Variants in AHDC1 observed in about 807,000 individuals in gnomAD.
The protein encoded by AHDC1 is AT-hook DNA binding motif containing 1.
AHDC1 carries 7 observed loss-of-function variants against 87.9 expected under a neutral mutation model. The ratio of observed to expected loss-of-function variants is 0.08; its 90% CI spans 0.05 to 0.15. AHDC1 has a LOEUF of 0.15. Among genes scored for constraint, AHDC1 ranks in the 10% least tolerant of loss-of-function variants. The probability of loss-of-function intolerance (pLI) is 1.00; values close to 1 mark genes in which losing one functional copy is unlikely to be tolerated. For synonymous variants in AHDC1, 1,051 were observed against 1,006.8 expected, an observed-to-expected ratio of 1.04 and a Z score of -0.83; for missense variants, 1,841 against 2,253.2, an observed-to-expected ratio of 0.82 and a Z score of 3.70.
Position 27,549,148 on chromosome 1 carries a change from G to T in AHDC1, c.2968C>A (p.Gln990Lys). The T allele has an allele frequency of 6.4e-7, 1 of 1,562,890 alleles. No individual in the cohort carries two copies. The highest frequency in any genetic ancestry group is 1.3e-5 in the African/African-American group (1 of 74,122). ...CAGTCCTTGCTGTTAGCGCAGTCCT[G>T]GCCTGTAAAGGGCTTAGTTGGGGCG... ...VFAPTKPFTGQDCANSKDCSF... is the reference protein window; with the variant it reads ...VFAPTKPFTGKDCANSKDCSF... Residue 990 changes from glutamine (Q) to lysine (K), a missense_variant, in exon 8 of 9, where the codon CAG becomes AAG. Transcript: ENST00000673934.
intron 3 of AHDC1, among the ~76,000 whole-genome samples, chr1:27,583,774 G>C (rs1015099776): frequency 2.6e-5 from 4 of 152,164 alleles, no homozygotes; most frequent in Non-Finnish European, 5.9e-5. Context: ...ATTCCTATCT[G>C]TGAAATAAGG....
At chr1:27,574,203 G>GCC in intron 3 of AHDC1, among the ~76,000 whole-genome samples, 1 of 152,196 alleles carries the variant, frequency 6.6e-6, no homozygotes, top group East Asian at 1.9e-4. Flanking sequence ...CTCTCTGCCA[G>GCC]CCCCCGCCCC....
At chr1:27,596,698 C>T (rs2089382237) in intron 3 of AHDC1, among the ~76,000 whole-genome samples, 1 of 152,130 alleles carries the variant, frequency 6.6e-6, no homozygotes, top group Admixed American at 6.5e-5. Flanking sequence ...CACGCTCACA[C>T]ATGCAGTTTG....
chr1:27,549,703 C>G lies in AHDC1; in HGVS notation c.2413G>C (p.Gly805Arg). The G allele has an allele frequency of 6.2e-7, 1 of 1,612,890 alleles. No homozygotes were observed. Among genetic ancestry groups the G allele is most frequent in the Non-Finnish European group, 8.5e-7 (1 of 1,179,978 alleles). Residue 805 changes from glycine to arginine, a missense_variant, in exon 8 of 9, where the codon GGG becomes CGG. Transcript: ENST00000673934. Reference protein sequence around the residue: ...GTEARAFASTGLESGASGRGS... With the variant: ...GTEARAFASTRLESGASGRGS... Reference sequence around the variant, plus strand: ...CGGCCTGAGGCTCCACTCTCCAGCCCAGTGGAGGCAAAGGCCCGGGCCTCG... The same window carrying G: ...CGGCCTGAGGCTCCACTCTCCAGCCGAGTGGAGGCAAAGGCCCGGGCCTCG...
intron 8 of AHDC1, among the ~76,000 whole-genome samples, chr1:27,537,002 G>T (rs575028322): frequency 1.3e-5 from 2 of 152,262 alleles, no homozygotes; most frequent in African/African-American, 4.8e-5. Flanking sequence ...CTCACCCTCT[G>T]CTAAGCCGCC....
At chr1:27,589,925 C>G (rs921180586) in intron 3 of AHDC1, among the ~76,000 whole-genome samples, 1 of 152,098 alleles carries the variant, frequency 6.6e-6, no homozygotes, top group African/African-American at 2.4e-5. Flanking sequence ...ACCCCCACCC[C>G]CTCCTCTGCT....
In AHDC1 at chr1:27,549,171, G is replaced by A. The variant is rs767288243; in HGVS notation, c.2945C>T (p.Ala982Val). The A allele has an allele frequency of 1.3e-6, 2 of 1,576,254 alleles. No homozygotes were observed. The highest frequency in any genetic ancestry group is 4.5e-5 in the East Asian group (2 of 44,484). The change falls in exon 8 of 9, where the codon GCC (alanine) becomes GTC (valine). Residue 982 changes from alanine (A) to valine (V), a missense_variant. By Grantham distance (64) the Ala-to-Val change is moderately conservative. Coordinates refer to ENST00000673934, the MANE Select transcript of AHDC1 (RefSeq NM_001371928.1). ...GGYGAGQSVF[A>V]PTKPFTGQDC... is the part of the protein sequence containing the mutation. ...CTGGCCTGTAAAGGGCTTAGTTGGG[G>A]CGAATACGCTTTGTCCGGCCCCATA...
chr1:27,579,229 C>A (rs1281980369), intron 3 of AHDC1, among the ~76,000 whole-genome samples: 1 of 151,586 alleles, frequency 6.6e-6, no homozygotes, highest in Non-Finnish European at 1.5e-5. Flanking sequence ...AGAGACAGGG[C>A]CTCACTACGT....
At chr1:27,585,491 A>G (rs1027390603) in intron 3 of AHDC1, among the ~76,000 whole-genome samples, 1 of 152,206 alleles carries the variant, frequency 6.6e-6, no homozygotes, top group Admixed American at 6.5e-5. Context: ...GGAACATAGT[A>G]AACACTATAT....
At position 27,566,442 on chromosome 1, in the gene AHDC1, A is replaced by G. The variant is rs972932471; in HGVS notation, c.-628-7559T>C. ...GGCAGGATGATGCAGAGACAAAGAC[A>G]CACGCACAGGGGGGAAGAGATGGAG... On this transcript the variant is annotated intron_variant, in intron 3 of 8. Transcript: ENST00000673934. 7.2e-5 allele frequency among the ~76,000 whole-genome samples: 11 copies of G among 151,926 alleles called. 1 individual carries two copies. Among genetic ancestry groups the G allele is most frequent in the African/African-American group, 2.7e-4 (11 of 41,348 alleles).
At chr1:27,559,987 C>T (rs2019995819) in intron 3 of AHDC1, among the ~76,000 whole-genome samples, 1 of 152,186 alleles carries the variant, frequency 6.6e-6, no homozygotes, top group African/African-American at 2.4e-5. Context: ...TCTATTTAGC[C>T]TGTTCGTGTG....
At chr1:27,586,141 C>T (rs1249485395) in intron 3 of AHDC1, among the ~76,000 whole-genome samples, 1 of 152,222 alleles carries the variant, frequency 6.6e-6, no homozygotes, top group African/African-American at 2.4e-5. Flanking sequence ...CCATCCAAGG[C>T]AAGCTCCCCA....
Position 27,548,394 on chromosome 1 carries a change from A to G in AHDC1, c.3722T>C (p.Leu1241Pro). 1 of 1,608,078 alleles carries G rather than the reference A, an allele frequency of 6.2e-7. No homozygotes were observed. Among genetic ancestry groups the G allele is most frequent in the Non-Finnish European group, 8.5e-7 (1 of 1,175,336 alleles). ...PGRGRRKKVDLFEASHLGFPT... is the reference protein window; with the variant it reads ...PGRGRRKKVDPFEASHLGFPT... Reference sequence around the variant, plus strand: ...GAAGCCCAGATGTGAGGCCTCGAACAGGTCCACCTTCTTCCGCCGTCCACG... The same window carrying G: ...GAAGCCCAGATGTGAGGCCTCGAACGGGTCCACCTTCTTCCGCCGTCCACG... Residue 1241 changes from leucine to proline, a missense_variant, in exon 8 of 9, where the codon CTG becomes CCG. Transcript: ENST00000673934.
chr1:27,554,970 C>T (rs2019754764), intron 5 of AHDC1, among the ~76,000 whole-genome samples: 2 of 152,198 alleles, frequency 1.3e-5, no homozygotes, highest in Non-Finnish European at 2.9e-5. Context: ...GTGTAACTTG[C>T]CTGAAGTCAC....
intron 5 of AHDC1, among the ~76,000 whole-genome samples, chr1:27,555,147 C>T (rs1412086875): frequency 6.6e-6 from 1 of 152,172 alleles, no homozygotes; most frequent in Non-Finnish European, 1.5e-5. Flanking sequence ...CATTGGCTTC[C>T]AAAGCCTGGG....
intron 5 of AHDC1, among the ~76,000 whole-genome samples, chr1:27,554,779 T>C (rs1486677123): frequency 6.6e-6 from 1 of 152,246 alleles, no homozygotes; most frequent in African/African-American, 2.4e-5. Flanking sequence ...ACAGGAAGAC[T>C]GCAGAGCTGA....
chr1:27,572,518 C>G (rs554290612), intron 3 of AHDC1, among the ~76,000 whole-genome samples: 24 of 152,184 alleles, frequency 1.6e-4, no homozygotes, highest in Non-Finnish European at 3.1e-4. Context: ...GCTACACGTC[C>G]GTACCCTAGC....
chr1:27,583,846 G>A (rs945238004), intron 3 of AHDC1, among the ~76,000 whole-genome samples: 2 of 152,056 alleles, frequency 1.3e-5, no homozygotes, highest in Non-Finnish European at 2.9e-5. Flanking sequence ...CTAAGTATCA[G>A]CTCTTTATTA....
At chr1:27,555,527 C>T (rs2019779144) in intron 5 of AHDC1, among the ~76,000 whole-genome samples, 1 of 152,176 alleles carries the variant, frequency 6.6e-6, no homozygotes, top group Non-Finnish European at 1.5e-5. Flanking sequence ...GGACCTGGCC[C>T]CTCCCAGGTC....
Sources: gnomAD v4.1 joint callset for allele counts (sites outside exome capture counted in the v4.1 genomes callset) on GRCh38, gnomAD v4.1.1 for gene constraint, MANE v1.5 for transcripts, NCBI Gene and HGNC (gene_info 2026-07-23, HGNC 2026-07-21) for gene names.